The following FHIT variants were observed in gnomAD, a reference collection of about 807,000 sequenced individuals.
FHIT encodes bis(5'-adenosyl)-triphosphatase.
FHIT carries 19 observed loss-of-function variants against 17.9 expected under a neutral mutation model. That is an observed-to-expected ratio of 1.06 (90% confidence interval 0.74 to 1.56). FHIT has a LOEUF of 1.56. Ranked by LOEUF, FHIT falls within the 40% of genes most tolerant of loss-of-function variation. The pLI, the probability that FHIT is intolerant of heterozygous loss-of-function variation, is 0.00. For synonymous variants in FHIT, 81 were observed against 69.7 expected, an observed-to-expected ratio of 1.16 and a Z score of -0.81; for missense variants, 248 against 189.2, an observed-to-expected ratio of 1.31 and a Z score of -1.82.
chr3:59,869,484 C>CTTTTTTTTTTTTTTTTT lies in FHIT; in HGVS notation c.348+52861_348+52862insAAAAAAAAAAAAAAAAA, dbSNP rs59589849. Among the ~76,000 whole-genome samples the CTTTTTTTTTTTTTTTTT allele has an allele frequency of 3.6e-3, 381 of 105,360 alleles. 54 individuals are homozygous for CTTTTTTTTTTTTTTTTT. Among genetic ancestry groups the CTTTTTTTTTTTTTTTTT allele is most frequent in the Non-Finnish European group, 4.8e-3 (261 of 54,348 alleles). 69.1% of individuals were successfully genotyped at this position (105,360 alleles called of 152,430 possible). A position where few individuals can be genotyped will look rare whatever the true frequency, so the allele number is the denominator to read the frequency against. ...ATTCCATCTTTCCTTAAAGAACATC[C>CTTTTTTTTTTTTTTTTT]TTTTTTTTTTTTTTTTAGACAGAGT... On this transcript the variant is annotated intron_variant, in intron 8 of 9. Coordinates refer to ENST00000492590, the MANE Select transcript of FHIT (RefSeq NM_002012.4).
At chr3:60,016,242 G>C in intron 5 of FHIT, among the ~76,000 whole-genome samples, 1 of 152,182 alleles carries the variant, frequency 6.6e-6, no homozygotes, top group East Asian at 1.9e-4. Context: ...GTGAAAACTT[G>C]TGGAACTGGT....
At chr3:60,456,968 G>A (rs961862961) in intron 5 of FHIT, among the ~76,000 whole-genome samples, 1 of 152,126 alleles carries the variant, frequency 6.6e-6, no homozygotes, top group Non-Finnish European at 1.5e-5. Context: ...ATGCTCATGG[G>A]TAGGAAGAAT....
intron 5 of FHIT, among the ~76,000 whole-genome samples, chr3:60,352,929 G>T (rs1187615889): frequency 6.6e-6 from 1 of 152,088 alleles, no homozygotes; most frequent in Non-Finnish European, 1.5e-5. Flanking sequence ...CTCAGTGTGG[G>T]GGATTCAGTC....
chr3:59,958,613 G>C (rs1707517561), intron 7 of FHIT, among the ~76,000 whole-genome samples: 1 of 152,198 alleles, frequency 6.6e-6, no homozygotes, highest in Non-Finnish European at 1.5e-5. Flanking sequence ...CAGCTACCTA[G>C]AGGGTTGTAT....
At chr3:59,752,891 C>T (rs61210497) in intron 8 of FHIT, among the ~76,000 whole-genome samples, 12,938 of 152,104 alleles carry the variant, frequency 0.085, 663 homozygotes, top group South Asian at 0.13. Context: ...TTACCCAGCC[C>T]CGGGTAGTTC....
At position 60,536,855 on chromosome 3, in the gene FHIT, G is replaced by A; in HGVS notation, c.103+5C>T. The A allele has an allele frequency of 2.5e-6, 4 of 1,589,976 alleles. No homozygotes were observed. Among genetic ancestry groups the A allele is most frequent in the South Asian group, 1.2e-5 (1 of 85,228 alleles). On this transcript the variant is annotated splice_donor_5th_base_variant and intron_variant, in intron 5 of 9. Transcript: ENST00000492590. ...TCCCTCTCCAAAAAAAAAAAGAAAG[G>A]ATACGTCCTGGTACCACAGGTTTCC...
chr3:61,050,954 T>A (rs911167511), intron 2 of FHIT, among the ~76,000 whole-genome samples: 5 of 152,212 alleles, frequency 3.3e-5, no homozygotes, highest in African/African-American at 1.2e-4. Flanking sequence ...TTGGATTTTC[T>A]TCCGAGCCAT....
At chr3:60,629,725 T>G (rs2039389737) in intron 4 of FHIT, among the ~76,000 whole-genome samples, 1 of 152,214 alleles carries the variant, frequency 6.6e-6, no homozygotes, top group Admixed American at 6.5e-5. Flanking sequence ...GTTTTTCTTT[T>G]GTTCTGTTGT....
intron 7 of FHIT, among the ~76,000 whole-genome samples, chr3:59,970,760 G>C (rs1286286801): frequency 6.6e-6 from 1 of 151,808 alleles, no homozygotes; most frequent in Non-Finnish European, 1.5e-5. Flanking sequence ...TTTCATACAA[G>C]CTGTCTCGTC....
chr3:60,320,571 G>GA (rs143709698), intron 5 of FHIT, among the ~76,000 whole-genome samples: 2,833 of 152,262 alleles, frequency 0.019, 87 homozygotes, highest in African/African-American at 0.064. Flanking sequence ...TGTAATGGGA[G>GA]AAAAATGGTA....
chr3:61,250,152 T>C (rs1327860384), intron 1 of FHIT, among the ~76,000 whole-genome samples: 1 of 152,208 alleles, frequency 6.6e-6, no homozygotes, highest in Admixed American at 6.5e-5. Flanking sequence ...CCAGGAGACA[T>C]CTCGCCGTGC....
intron 5 of FHIT, among the ~76,000 whole-genome samples, chr3:60,032,320 C>T (rs934243287): frequency 3.3e-5 from 5 of 151,842 alleles, no homozygotes; most frequent in Admixed American, 2.0e-4. Context: ...GGCATAGTGG[C>T]GTGCACGTGT....
intron 1 of FHIT, among the ~76,000 whole-genome samples, chr3:61,213,448 A>G (rs959785999): frequency 6.6e-6 from 1 of 152,248 alleles, no homozygotes; most frequent in African/African-American, 2.4e-5. Flanking sequence ...TTCAACAAGT[A>G]GAGCTAACTA....
chr3:60,461,571 T>C (rs1430374090), intron 5 of FHIT, among the ~76,000 whole-genome samples: 1 of 152,228 alleles, frequency 6.6e-6, no homozygotes, highest in African/African-American at 2.4e-5. Flanking sequence ...TCTCCAACGC[T>C]GTACAGACAA....
chr3:60,356,613 G>A (rs1032863975), intron 5 of FHIT, among the ~76,000 whole-genome samples: 1 of 151,912 alleles, frequency 6.6e-6, no homozygotes, highest in Non-Finnish European at 1.5e-5. Context: ...AAGTTATTGA[G>A]AAGCTTTAAC....
At chr3:60,564,455 A>G (rs12489122) in intron 4 of FHIT, among the ~76,000 whole-genome samples, 22,808 of 152,108 alleles carry the variant, frequency 0.15, 2,169 homozygotes, top group East Asian at 0.37. Flanking sequence ...TTGTAAGGCT[A>G]TAACTGTCAT....
chr3:61,216,848 C>G (rs907887471), intron 1 of FHIT, among the ~76,000 whole-genome samples: 5 of 152,124 alleles, frequency 3.3e-5, no homozygotes, highest in African/African-American at 1.2e-4. Context: ...TTTGTAGGGA[C>G]ATGGATGAAA....
At chr3:60,217,569 G>C (rs554079986) in intron 5 of FHIT, among the ~76,000 whole-genome samples, 2 of 151,654 alleles carry the variant, frequency 1.3e-5, no homozygotes, top group African/African-American at 4.8e-5. Context: ...AATCCAATCA[G>C]TGGTCCCCCT....
chr3:60,638,457 A>T (rs147151677), intron 4 of FHIT, among the ~76,000 whole-genome samples: 1 of 152,324 alleles, frequency 6.6e-6, no homozygotes, highest in Admixed American at 6.5e-5. Flanking sequence ...TAAATGTGGG[A>T]TAATAGTACA....
Sources: allele counts gnomAD v4.1 joint callset (sites outside exome capture counted in the v4.1 genomes callset), GRCh38; gene constraint gnomAD v4.1.1; transcripts MANE v1.5; gene names NCBI Gene and HGNC (gene_info 2026-07-23, HGNC 2026-07-21).